MALRD1: variants seen among roughly 807,000 people sequenced by gnomAD.
MALRD1 encodes MAM and LDL-receptor class A domain-containing protein 1.
In MALRD1, 247 loss-of-function variants were observed where a neutral mutation model predicts 242.1. That is an observed-to-expected ratio of 1.02 (90% CI 0.92 to 1.13). The LOEUF (loss-of-function observed/expected upper bound fraction) is 1.13, where lower values mean the gene tolerates loss of function less well. Ranked by LOEUF, MALRD1 falls within the 50% of genes most tolerant of loss-of-function variation. The pLI, the probability that MALRD1 is intolerant of heterozygous loss-of-function variation, is 0.00. For synonymous variants in MALRD1, 995 were observed against 866.6 expected (o/e 1.15, Z -2.60); for missense variants, 2,989 against 2,533.1 (o/e 1.18, Z -3.86).
intron 1 of MALRD1, among the ~76,000 whole-genome samples, chr10:19,056,734 G>A (rs568118800): frequency 2.6e-5 from 4 of 152,212 alleles, no homozygotes; most frequent in East Asian, 3.9e-4. Flanking sequence ...AAAATTGGTG[G>A]TGAGAATAGG....
chr10:19,464,610 A>G (rs916822250), intron 29 of MALRD1, among the ~76,000 whole-genome samples: 1 of 152,092 alleles, frequency 6.6e-6, no homozygotes, highest in Admixed American at 6.6e-5. Flanking sequence ...TTTGGTGACT[A>G]TGGCCATATA....
chr10:19,177,224 G>A (rs919669145), intron 14 of MALRD1, among the ~76,000 whole-genome samples: 5 of 150,344 alleles, frequency 3.3e-5, no homozygotes, highest in Admixed American at 6.6e-5. Flanking sequence ...AGCTTGTAGT[G>A]AGCCGAGATC....
intron 38 of MALRD1, among the ~76,000 whole-genome samples, chr10:19,708,797 G>T (rs1833980186): frequency 8.2e-6 from 1 of 121,814 alleles, no homozygotes; most frequent in Non-Finnish European, 1.9e-5. Flanking sequence ...GAGTACCTGG[G>T]ACTACAGGCG....
At chr10:19,278,670 C>A (rs186929360) in intron 19 of MALRD1, among the ~76,000 whole-genome samples, 164 of 152,204 alleles carry the variant, frequency 1.1e-3, no homozygotes, top group African/African-American at 3.7e-3. Flanking sequence ...AAAGATACAT[C>A]TGACTGCCTT....
chr10:19,144,795 T>G (rs1357559493), intron 10 of MALRD1, among the ~76,000 whole-genome samples: 4 of 151,606 alleles, frequency 2.6e-5, no homozygotes, highest in African/African-American at 9.7e-5. Flanking sequence ...GTTCCAATTT[T>G]CTCTTTTAGG....
intron 31 of MALRD1, among the ~76,000 whole-genome samples, chr10:19,524,885 T>C (rs887650096): frequency 2.1e-5 from 3 of 142,786 alleles, no homozygotes; most frequent in African/African-American, 8.3e-5. Flanking sequence ...CTTTATTTTA[T>C]TTTTTAAATT....
chr10:19,657,655 G>C (rs1292913423), intron 36 of MALRD1, among the ~76,000 whole-genome samples: 1 of 151,878 alleles, frequency 6.6e-6, no homozygotes, highest in Non-Finnish European at 1.5e-5. Context: ...ATGGAGAATT[G>C]GGTATCCATC....
intron 36 of MALRD1, among the ~76,000 whole-genome samples, chr10:19,658,517 A>G (rs766480688): frequency 2.0e-5 from 3 of 152,098 alleles, no homozygotes; most frequent in Non-Finnish European, 4.4e-5. Flanking sequence ...ATACACACAA[A>G]CACACACCCC....
intron 29 of MALRD1, among the ~76,000 whole-genome samples, chr10:19,460,680 C>G (rs781385849): frequency 6.6e-6 from 1 of 152,042 alleles, no homozygotes; most frequent in Non-Finnish European, 1.5e-5. Context: ...AAATGTATGA[C>G]TCTACCTAAA....
At chr10:19,494,664 A>G (rs10827500) in intron 30 of MALRD1, among the ~76,000 whole-genome samples, 30,243 of 152,136 alleles carry the variant, frequency 0.2, 5,540 homozygotes, top group African/African-American at 0.49. Flanking sequence ...AATAGAACAA[A>G]TTCAGGAAAG....
At chr10:19,546,125 A>G (rs1235214343) in intron 32 of MALRD1, among the ~76,000 whole-genome samples, 2 of 152,132 alleles carry the variant, frequency 1.3e-5, no homozygotes, top group African/African-American at 4.8e-5. Flanking sequence ...AGTTTTTCAC[A>G]ACTGTCTGGT....
Position 19,530,134 on chromosome 10 carries a change from G to A in MALRD1, c.5321-1060G>A, listed in dbSNP as rs78612816. 2.2e-3 allele frequency among the ~76,000 whole-genome samples: 334 copies of A among 151,052 alleles called. 5 individuals carry two copies. The East Asian group carries it at 0.033, about 15-fold the overall frequency. On this transcript the variant is annotated intron_variant, in intron 31 of 39. Coordinates refer to ENST00000454679, the MANE Select transcript of MALRD1 (RefSeq NM_001142308.3). ...GTGTGTCAATATTGGCTCATTAATTGTAACTAATGTAACACACTAATGCAA... is the reference window on the plus strand; with the variant it reads ...GTGTGTCAATATTGGCTCATTAATTATAACTAATGTAACACACTAATGCAA...
At chr10:19,347,750 A>G (rs961348383) in intron 24 of MALRD1, 21 bp from the exon 25 acceptor site, 18 of 1,548,604 alleles carry the variant, frequency 1.2e-5, no homozygotes, top group East Asian at 7.3e-5. Flanking sequence ...TCTGTAACAT[A>G]TATTTGGAAA....
chr10:19,498,340 A>G (rs971898529), intron 30 of MALRD1, 145 bp from the exon 31 acceptor site: 1 of 687,510 alleles, frequency 1.5e-6, no homozygotes. Flanking sequence ...AAATATTAAC[A>G]ATGAGTACAA....
chr10:19,172,022 ATATAT>A (rs1835017810), intron 13 of MALRD1, among the ~76,000 whole-genome samples: 1 of 30,066 alleles, frequency 3.3e-5, no homozygotes, highest in Non-Finnish European at 5.4e-5. Context: ...GATATATATC[ATATAT>A]CACATATATG....
chr10:19,607,956 C>A, intron 35 of MALRD1, 54 bp downstream of exon 35: 1 of 1,526,382 alleles, frequency 6.6e-7, no homozygotes, highest in Non-Finnish European at 8.8e-7. Context: ...ACTTAACCTG[C>A]AACACAATGA....
At chr10:19,150,959 C>T (rs1833925949) in intron 11 of MALRD1, among the ~76,000 whole-genome samples, 1 of 152,062 alleles carries the variant, frequency 6.6e-6, no homozygotes, top group Non-Finnish European at 1.5e-5. Flanking sequence ...AGGAGTGAGA[C>T]TTCTATATTT....
At chr10:19,254,809 G>A (rs12257867) in intron 18 of MALRD1, among the ~76,000 whole-genome samples, 6,217 of 151,778 alleles carry the variant, frequency 0.041, 418 homozygotes, top group African/African-American at 0.14. Context: ...AAACTGATAT[G>A]TTATATTGGA....
Position 19,163,909 on chromosome 10 carries a change from G to A in MALRD1, c.1657-1728G>A, listed in dbSNP as rs114981059. On this transcript the variant is annotated intron_variant, in intron 12 of 39. Coordinates refer to ENST00000454679, the MANE Select transcript of MALRD1 (RefSeq NM_001142308.3). ...ACACTATTAAAATAACTTCACACTGGTGATGTACTGAGTGACAGTTTGACA... is the reference window on the plus strand; with the variant it reads ...ACACTATTAAAATAACTTCACACTGATGATGTACTGAGTGACAGTTTGACA... Among the ~76,000 whole-genome samples, 669 of 152,276 alleles carry A rather than the reference G, an allele frequency of 4.4e-3. 7 individuals are homozygous for A. The highest frequency in any genetic ancestry group is 0.015 in the African/African-American group (631 of 41,548).
Sources: allele counts gnomAD v4.1 joint callset (sites outside exome capture counted in the v4.1 genomes callset), GRCh38; gene constraint gnomAD v4.1.1; transcripts MANE v1.5; gene names NCBI Gene and HGNC (gene_info 2026-07-23, HGNC 2026-07-21).